PTPRD: variants seen among roughly 807,000 people sequenced by gnomAD.
PTPRD encodes the protein receptor-type tyrosine-protein phosphatase delta.
A neutral mutation model predicts 214.5 loss-of-function variants in PTPRD; 34 were observed. The observed-to-expected ratio is 0.16, with a 90% CI of 0.12 to 0.21. The LOEUF (loss-of-function observed/expected upper bound fraction) is 0.21. PTPRD is among the 10% of genes least tolerant of loss of function. The probability of loss-of-function intolerance (pLI) is 1.00; values close to 1 mark genes in which losing one functional copy is unlikely to be tolerated. For synonymous variants in PTPRD, 1,128 were observed against 845.7 expected, an observed-to-expected ratio of 1.33 and a Z score of -5.79; for missense variants, 2,545 against 2,398.7, an observed-to-expected ratio of 1.06 and a Z score of -1.27.
chr9:9,833,686 G>GT (rs200580817), intron 5 of PTPRD, among the ~76,000 whole-genome samples: 1 of 148,592 alleles, frequency 6.7e-6, no homozygotes, highest in Non-Finnish European at 1.5e-5. Context: ...TCCGGAGAGG[G>GT]GGGCAGTTCA....
At chr9:9,865,177 A>C (rs185308157) in intron 5 of PTPRD, among the ~76,000 whole-genome samples, 23 of 152,342 alleles carry the variant, frequency 1.5e-4, no homozygotes, top group African/African-American at 5.5e-4. Flanking sequence ...TTCCTATTTC[A>C]GGGCTGTGTG....
At chr9:9,004,914 T>A (rs1463646134) in intron 11 of PTPRD, among the ~76,000 whole-genome samples, 2 of 152,056 alleles carry the variant, frequency 1.3e-5, no homozygotes, top group South Asian at 2.1e-4. Context: ...TTTGTTCAAT[T>A]GACCAGGGCA....
intron 5 of PTPRD, among the ~76,000 whole-genome samples, chr9:9,854,025 T>C (rs1299823327): frequency 6.6e-6 from 1 of 152,194 alleles, no homozygotes; most frequent in Non-Finnish European, 1.5e-5. Context: ...ACCTCTCTTC[T>C]AGCTAGTTAA....
intron 2 of PTPRD, among the ~76,000 whole-genome samples, chr9:10,459,485 C>T (rs1018516517): frequency 2.6e-5 from 4 of 152,136 alleles, no homozygotes; most frequent in Non-Finnish European, 4.4e-5. Context: ...CACCATCTTC[C>T]ACAATGGTTG....
At chr9:8,832,967 G>A (rs1299891247) in intron 11 of PTPRD, among the ~76,000 whole-genome samples, 1 of 152,014 alleles carries the variant, frequency 6.6e-6, no homozygotes, top group Non-Finnish European at 1.5e-5. Context: ...TACCTAGAAA[G>A]CTGTAACATG....
In PTPRD at chr9:10,239,503, T is replaced by C. The variant is rs147461679; in HGVS notation, c.-545+101460A>G. Among the ~76,000 whole-genome samples the C allele has an allele frequency of 6.5e-3, 984 of 152,086 alleles. 11 individuals carry two copies. The highest frequency in any genetic ancestry group is 0.022 in the African/African-American group (924 of 41,528). ...TTCATTTTAAGTGGGGGATTTGTAC[T>C]AATAGGGTTGAACTTACACTTCATT... On this transcript the variant is annotated intron_variant, in intron 3 of 45. Coordinates refer to ENST00000381196, the MANE Select transcript of PTPRD (RefSeq NM_002839.4).
At chr9:10,105,863 C>A (rs997838716) in intron 3 of PTPRD, among the ~76,000 whole-genome samples, 5 of 151,506 alleles carry the variant, frequency 3.3e-5, no homozygotes, top group African/African-American at 1.2e-4. Flanking sequence ...AGCCAAGGGT[C>A]TTACATGACA....
chr9:9,633,073 T>C (rs530953940), intron 7 of PTPRD, among the ~76,000 whole-genome samples: 1 of 152,216 alleles, frequency 6.6e-6, no homozygotes, highest in Admixed American at 6.5e-5. Flanking sequence ...GGCAGGTGGA[T>C]CACTTGAGGT....
At chr9:10,568,977 G>T (rs1198353784) in intron 2 of PTPRD, among the ~76,000 whole-genome samples, 1 of 152,032 alleles carries the variant, frequency 6.6e-6, no homozygotes, top group African/African-American at 2.4e-5. Flanking sequence ...CCATCAGAGT[G>T]AACAGGCAAC....
intron 5 of PTPRD, among the ~76,000 whole-genome samples, chr9:9,835,658 T>C (rs1296400465): frequency 6.6e-6 from 1 of 152,066 alleles, no homozygotes; most frequent in Non-Finnish European, 1.5e-5. Flanking sequence ...AAATACCTAA[T>C]GACAGGACAG....
At chr9:9,816,478 GAAC>G (rs1403220052) in intron 5 of PTPRD, among the ~76,000 whole-genome samples, 13 of 151,754 alleles carry the variant, frequency 8.6e-5, no homozygotes, top group African/African-American at 3.1e-4. Flanking sequence ...CTCACTATTT[GAAC>G]AATATAATTT....
chr9:10,567,934 T>A (rs2066149321), intron 2 of PTPRD, among the ~76,000 whole-genome samples: 2 of 151,342 alleles, frequency 1.3e-5, no homozygotes, highest in South Asian at 4.2e-4. Flanking sequence ...TTTATTTTTT[T>A]ATTTTTTATT....
At chr9:10,152,460 G>A (rs949516517) in intron 3 of PTPRD, among the ~76,000 whole-genome samples, 9 of 151,856 alleles carry the variant, frequency 5.9e-5, no homozygotes, top group African/African-American at 9.7e-5. Context: ...TAGTTTTATC[G>A]TCATATTCTC....
chr9:9,751,777 G>A (rs1021126305), intron 6 of PTPRD, among the ~76,000 whole-genome samples: 1 of 152,112 alleles, frequency 6.6e-6, no homozygotes, highest in Non-Finnish European at 1.5e-5. Flanking sequence ...CCAGAGCTAT[G>A]AAATAATCAA....
At chr9:9,600,506 C>T (rs1026005410) in intron 7 of PTPRD, among the ~76,000 whole-genome samples, 1 of 151,938 alleles carries the variant, frequency 6.6e-6, no homozygotes, top group African/African-American at 2.4e-5. Flanking sequence ...GTGAAGACAG[C>T]CATTTATTTT....
chr9:8,752,010 C>G (rs1192586737), intron 11 of PTPRD, among the ~76,000 whole-genome samples: 1 of 152,102 alleles, frequency 6.6e-6, no homozygotes, highest in Admixed American at 6.5e-5. Flanking sequence ...TCAAGAAACC[C>G]AAGAAACATC....
intron 3 of PTPRD, among the ~76,000 whole-genome samples, chr9:10,198,460 G>A (rs2099406690): frequency 6.6e-6 from 1 of 152,058 alleles, no homozygotes; most frequent in Non-Finnish European, 1.5e-5. Context: ...AATAGAAGCT[G>A]AAAGTTGTAA....
chr9:9,876,467 T>C (rs1220007476), intron 5 of PTPRD, among the ~76,000 whole-genome samples: 2 of 152,166 alleles, frequency 1.3e-5, no homozygotes, highest in Non-Finnish European at 2.9e-5. Flanking sequence ...TACAATTCTA[T>C]TTTAATTATA....
At chr9:8,904,328 C>T (rs2098692766) in intron 11 of PTPRD, among the ~76,000 whole-genome samples, 1 of 152,020 alleles carries the variant, frequency 6.6e-6, no homozygotes, top group South Asian at 2.1e-4. Flanking sequence ...ATTCAAATTT[C>T]CTGTAAAAAT....
Sources: gnomAD v4.1 joint callset for allele counts (sites outside exome capture counted in the v4.1 genomes callset) on GRCh38, gnomAD v4.1.1 for gene constraint, MANE v1.5 for transcripts, NCBI Gene and HGNC (gene_info 2026-07-23, HGNC 2026-07-21) for gene names.